PTPRG: variants seen among roughly 807,000 people sequenced by gnomAD.
The protein encoded by PTPRG is receptor-type tyrosine-protein phosphatase gamma.
Under a neutral mutation model 165.3 loss-of-function variants are expected in PTPRG, and 102 were observed. The observed-to-expected ratio is 0.62, with a 90% CI of 0.53 to 0.73. The LOEUF is 0.73. Ranked by LOEUF, PTPRG falls within the 30% of genes least tolerant of loss-of-function variation. The probability of loss-of-function intolerance (pLI) is 0.00; values close to 1 mark genes in which losing one functional copy is unlikely to be tolerated. For missense variants in PTPRG, 1,866 were observed against 1,861.4 expected, an observed-to-expected ratio of 1.00 and a Z score of -0.05; for synonymous variants, 675 against 669.5, an observed-to-expected ratio of 1.01 and a Z score of -0.13.
At chr3:61,854,444 AT>A (rs1224219459) in intron 2 of PTPRG, among the ~76,000 whole-genome samples, 17 of 152,230 alleles carry the variant, frequency 1.1e-4, no homozygotes, top group Admixed American at 9.2e-4. Context: ...TGTCTTCTCT[AT>A]TTACTCTGTT....
Position 61,989,622 on chromosome 3 carries a change from C to T in PTPRG, c.191-3C>T, listed in dbSNP as rs2040835749. 4 of 1,611,350 alleles carry T rather than the reference C, an allele frequency of 2.5e-6. No homozygotes were observed. In the East Asian group the frequency reaches 8.9e-5, roughly 36 times the overall value. On this transcript the variant is annotated splice_region_variant and splice_polypyrimidine_tract_variant and intron_variant, in intron 2 of 29. Transcript: ENST00000474889. The stretch of plus-strand genomic sequence containing the variant: ...GGATTGAAGTGTTGTCTTCTTTCAA[C>T]AGGTGCCTATGGTCCTGAGCACTGG...
chr3:61,800,330 AAC>A (rs1287431083), intron 2 of PTPRG, among the ~76,000 whole-genome samples: 1 of 152,128 alleles, frequency 6.6e-6, no homozygotes, highest in Non-Finnish European at 1.5e-5. Flanking sequence ...AAAGACAGAA[AAC>A]ACAAAAAAAA....
chr3:61,668,387 C>T (rs112395471), intron 1 of PTPRG, among the ~76,000 whole-genome samples: 2,107 of 152,200 alleles, frequency 0.014, 27 homozygotes, highest in South Asian at 0.029. Flanking sequence ...CTCTATAGTA[C>T]TCTAGAAAGC....
intron 2 of PTPRG, among the ~76,000 whole-genome samples, chr3:61,856,437 A>G (rs1057261070): frequency 3.9e-5 from 6 of 152,166 alleles, no homozygotes; most frequent in South Asian, 2.1e-4. Context: ...AAACAGTTAC[A>G]TGGAAACGAA....
At chr3:61,800,292 A>G (rs1164115219) in intron 2 of PTPRG, among the ~76,000 whole-genome samples, 1 of 152,172 alleles carries the variant, frequency 6.6e-6, no homozygotes, top group Non-Finnish European at 1.5e-5. Context: ...GACAGGTGAC[A>G]TGTTATTACA....
chr3:61,992,148 G>A (rs1421467315), intron 3 of PTPRG, among the ~76,000 whole-genome samples: 1 of 152,092 alleles, frequency 6.6e-6, no homozygotes, highest in Non-Finnish European at 1.5e-5. Context: ...TATTAGATAG[G>A]CCAATATATT....
chr3:62,283,532 G>C (rs1702527420), intron 28 of PTPRG, among the ~76,000 whole-genome samples: 2 of 152,096 alleles, frequency 1.3e-5, no homozygotes, highest in South Asian at 4.1e-4. Flanking sequence ...TTCATGGCCT[G>C]TAAGTCAGTT....
At chr3:62,147,052 G>A (rs1559565453) in intron 6 of PTPRG, among the ~76,000 whole-genome samples, 1 of 152,142 alleles carries the variant, frequency 6.6e-6, no homozygotes. Flanking sequence ...AGCCAATTAC[G>A]CAGACTGAAA....
intron 3 of PTPRG, among the ~76,000 whole-genome samples, chr3:61,999,330 A>G (rs1204739070): frequency 1.3e-5 from 2 of 152,176 alleles, no homozygotes; most frequent in East Asian, 3.9e-4. Flanking sequence ...TATAAGCACA[A>G]GCCACCGTGC....
chr3:61,892,304 G>A (rs1299699388), intron 2 of PTPRG, among the ~76,000 whole-genome samples: 1 of 152,164 alleles, frequency 6.6e-6, no homozygotes, highest in Non-Finnish European at 1.5e-5. Context: ...CTGGCCTACT[G>A]TAGCCTCAGC....
At chr3:61,874,992 G>C (rs2037694393) in intron 2 of PTPRG, among the ~76,000 whole-genome samples, 1 of 152,144 alleles carries the variant, frequency 6.6e-6, no homozygotes, top group Non-Finnish European at 1.5e-5. Flanking sequence ...AACTCCATCA[G>C]GTATATGGGA....
At chr3:62,132,060 G>C (rs1703534984) in intron 5 of PTPRG, among the ~76,000 whole-genome samples, 1 of 152,216 alleles carries the variant, frequency 6.6e-6, no homozygotes, top group Middle Eastern at 3.4e-3. Context: ...AGGAAATGAA[G>C]GTGGGAGACA....
chr3:61,944,521 A>G (rs2039708292), intron 2 of PTPRG, among the ~76,000 whole-genome samples: 1 of 152,100 alleles, frequency 6.6e-6, no homozygotes, highest in Non-Finnish European at 1.5e-5. Flanking sequence ...AGTCCCTCTC[A>G]GTTTGAAGAG....
At position 61,953,475 on chromosome 3, in the gene PTPRG, T is replaced by C. The variant is rs181148370; in HGVS notation, c.191-36150T>C. 3.1e-3 allele frequency among the ~76,000 whole-genome samples: 476 copies of C among 152,338 alleles called. 12 individuals carry two copies. The highest frequency in any genetic ancestry group is 0.025 in the Admixed American group (383 of 15,304). ...TCAGTGCCTCTAGGAACGTGAGCAC[T>C]TCTGGATGCCGGGCAGCACTTCTAA... On this transcript the variant is annotated intron_variant, in intron 2 of 29. Coordinates refer to ENST00000474889, the MANE Select transcript of PTPRG (RefSeq NM_002841.4).
chr3:61,573,447 CAT>C (rs1700105296), intron 1 of PTPRG, among the ~76,000 whole-genome samples: 1 of 152,078 alleles, frequency 6.6e-6, no homozygotes, highest in Non-Finnish European at 1.5e-5. Flanking sequence ...ACAACAACAA[CAT>C]GCGAAAGCCT....
chr3:61,567,836 T>C (rs1699954757), intron 1 of PTPRG, among the ~76,000 whole-genome samples: 1 of 151,440 alleles, frequency 6.6e-6, no homozygotes, highest in Non-Finnish European at 1.5e-5. Context: ...ATACAAAAAT[T>C]AGCTGTACTT....
At chr3:61,763,263 A>AGT (rs1222747754) in intron 2 of PTPRG, among the ~76,000 whole-genome samples, 1 of 150,860 alleles carries the variant, frequency 6.6e-6, no homozygotes, top group African/African-American at 2.4e-5. Flanking sequence ...TTTGAGACGG[A>AGT]GTCTCACCCT....
At chr3:61,634,723 T>C (rs951299281) in intron 1 of PTPRG, among the ~76,000 whole-genome samples, 3 of 152,160 alleles carry the variant, frequency 2.0e-5, no homozygotes, top group African/African-American at 7.2e-5. Flanking sequence ...CACTAAGCAT[T>C]TGTTACAGAG....
At chr3:61,752,036 G>GT (rs540608531) in intron 2 of PTPRG, among the ~76,000 whole-genome samples, 1 of 152,006 alleles carries the variant, frequency 6.6e-6, no homozygotes, top group South Asian at 2.1e-4. Context: ...CTGGCGTAAA[G>GT]TAAGTAGTTA....
Sources: gnomAD v4.1 joint callset for allele counts (sites outside exome capture counted in the v4.1 genomes callset) on GRCh38, gnomAD v4.1.1 for gene constraint, MANE v1.5 for transcripts, NCBI Gene and HGNC (gene_info 2026-07-23, HGNC 2026-07-21) for gene names.